The following METRNL variants were observed in gnomAD, a reference collection of about 807,000 sequenced individuals.
The protein encoded by METRNL is meteorin-like protein.
Under a neutral mutation model 17.4 loss-of-function variants are expected in METRNL, and 9 were observed. The observed-to-expected ratio is 0.52, with a 90% confidence interval of 0.31 to 0.90. METRNL has a LOEUF of 0.90. Ranked by LOEUF, METRNL falls within the 40% of genes least tolerant of loss-of-function variation. METRNL has a pLI of 0.05. For missense variants in METRNL, 408 were observed against 430.7 expected (o/e 0.95, Z 0.47); for synonymous variants, 215 against 199.3 (o/e 1.08, Z -0.66).
At position 83,080,005 on chromosome 17, in the gene METRNL, C is replaced by CCCCGG. The variant is rs1338623181; in HGVS notation, c.170+29_170+33dup. ...GGGGAGGTGAGTGTGCGCGGCGCGA[C>CCCCGG]CCCGGCCCGGCCCCCTCCCCTCGCG... On this transcript the variant is annotated intron_variant, in intron 1 of 3. Transcript: ENST00000320095. 9.9e-7 allele frequency: 1 copy of CCCCGG among 1,012,476 alleles called. No homozygotes were observed. The highest frequency in any genetic ancestry group is 1.7e-5 in the African/African-American group (1 of 57,368). The allele number at this position is 1,012,476 out of a possible 1,614,324, so 62.7% of individuals were successfully genotyped here.
At chr17:83,089,095 C>T (rs1279271111) in intron 2 of METRNL, among the ~76,000 whole-genome samples, 1 of 152,122 alleles carries the variant, frequency 6.6e-6, no homozygotes, top group East Asian at 1.9e-4. Context: ...GGCCAACACC[C>T]CCGGGGCACC....
intron 1 of METRNL, chr17:83,082,000 G>A: frequency 1.2e-6 from 1 of 802,490 alleles, no homozygotes; most frequent in Non-Finnish European, 1.5e-6. Context: ...TCCCCCGATA[G>A]CTGGAAAGTT....
chr17:83,080,512 C>T (rs1217720153), intron 1 of METRNL, among the ~76,000 whole-genome samples: 2 of 143,854 alleles, frequency 1.4e-5, no homozygotes, highest in African/African-American at 5.0e-5. Flanking sequence ...CCCCCCGCCC[C>T]TGCCCCGTGA....
intron 2 of METRNL, among the ~76,000 whole-genome samples, chr17:83,085,913 G>C (rs918430978): frequency 3.3e-5 from 5 of 152,228 alleles, no homozygotes; most frequent in African/African-American, 1.2e-4. Flanking sequence ...GAGCGGTGCT[G>C]AGCTGTGACG....
intron 1 of METRNL, chr17:83,080,359 C>A (rs1387450356): frequency 6.6e-6 from 1 of 150,718 alleles, no homozygotes; most frequent in African/African-American, 2.4e-5. Context: ...CCCGAGGCCG[C>A]CCCGGGCCAG....
At position 83,094,277 on chromosome 17, in the gene METRNL, A is replaced by G. The variant is rs2038174981; in HGVS notation, c.638A>G (p.Gln213Arg). The G allele has an allele frequency of 1.9e-6, 3 of 1,581,436 alleles. No homozygotes were observed. Among genetic ancestry groups the G allele is most frequent in the Non-Finnish European group, 2.6e-6 (3 of 1,156,304 alleles). Residue 213 changes from glutamine (Q) to arginine (R), a missense_variant, in exon 4 of 4, where the codon CAA becomes CGA. Gln to Arg is a conservative substitution (Grantham distance 43, BLOSUM62 1). Coordinates refer to ENST00000320095, the MANE Select transcript of METRNL (RefSeq NM_001004431.3). ...SDFAVRGSIQ[Q>R]VTHEPERQDS... Reference sequence around the variant, plus strand: ...ACAGCCGTTCGAGGCTCCATCCAGCAAGTTACCCACGAGCCTGAGCGGCAG... The same window carrying G: ...ACAGCCGTTCGAGGCTCCATCCAGCGAGTTACCCACGAGCCTGAGCGGCAG...
intron 2 of METRNL, among the ~76,000 whole-genome samples, chr17:83,088,179 C>T (rs369539847): frequency 2.6e-5 from 4 of 152,230 alleles, no homozygotes; most frequent in South Asian, 2.1e-4. Flanking sequence ...CTGCACCAGC[C>T]GCCTCTGCAG....
intron 2 of METRNL, among the ~76,000 whole-genome samples, chr17:83,087,451 A>C (rs1165932766): frequency 1.3e-5 from 2 of 151,884 alleles, no homozygotes; most frequent in East Asian, 3.9e-4. Context: ...TGGGCTGAGC[A>C]CCTCCAGGGC....
intron 1 of METRNL, chr17:83,084,031 C>T (rs775525966): frequency 6.6e-5 from 10 of 152,224 alleles, no homozygotes; most frequent in Non-Finnish European, 1.3e-4. Flanking sequence ...ACTGTTTCTA[C>T]TCAGGACCTG....
intron 2 of METRNL, among the ~76,000 whole-genome samples, chr17:83,088,068 G>C (rs1367204872): frequency 1.3e-5 from 2 of 152,208 alleles, no homozygotes; most frequent in Admixed American, 1.3e-4. Flanking sequence ...GGAACACGGG[G>C]GCAGGCTGCT....
At chr17:83,082,772 A>G (rs931594496) in intron 1 of METRNL, among the ~76,000 whole-genome samples, 34 of 152,254 alleles carry the variant, frequency 2.2e-4, no homozygotes, top group Admixed American at 6.5e-5. Context: ...AGCACAGACC[A>G]TGAGTCTCGG....
Position 83,085,246 on chromosome 17 carries a change from A to T in METRNL, c.479A>T (p.Asp160Val), listed in dbSNP as rs569215290. Residue 160 changes from aspartate to valine, a missense_variant, in exon 2 of 4, where the codon GAT (aspartate) becomes GTT (valine). Asp to Val is a radical substitution (Grantham distance 152). Coordinates refer to ENST00000320095, the MANE Select transcript of METRNL (RefSeq NM_001004431.3). ...TTCGTGGAGGCCACGCCGCAGCAGG[A>T]TATCGGCCGGAGGACCACAGGCTTC... is the stretch of plus-strand genomic sequence containing the variant. ...GLFVEATPQQ[D>V]IGRRTTGFQY... The T allele has an allele frequency of 5.1e-6, 8 of 1,579,162 alleles. No homozygotes were observed. In the African/African-American group the frequency reaches 1.1e-4, roughly 21 times the overall value.
rs554860830 is a variant in METRNL, at chr17:83,080,936, G to C, written c.170+951G>C. Among the ~76,000 whole-genome samples, 290 of 151,508 alleles carry C rather than the reference G, an allele frequency of 1.9e-3. 2 individuals carry two copies. The highest frequency in any genetic ancestry group is 6.9e-3 in the African/African-American group (284 of 41,428). On this transcript the variant is annotated intron_variant, in intron 1 of 3. Transcript: ENST00000320095. Reference sequence around the variant, plus strand: ...AGCGAAGCTGTTTTCCGAGAAGGTCGGGGCAGAGCCGGTGCGGGGCGGGTG... The same window carrying C: ...AGCGAAGCTGTTTTCCGAGAAGGTCCGGGCAGAGCCGGTGCGGGGCGGGTG...
At chr17:83,083,201 C>T (rs6502043) in intron 1 of METRNL, among the ~76,000 whole-genome samples, 48,806 of 152,094 alleles carry the variant, frequency 0.32, 8,931 homozygotes, top group East Asian at 0.65. Context: ...GTGGGTTGGC[C>T]GCCTGTCCCC....
At chr17:83,092,734 T>G (rs1001019658) in intron 2 of METRNL, among the ~76,000 whole-genome samples, 2 of 152,104 alleles carry the variant, frequency 1.3e-5, no homozygotes, top group Admixed American at 6.5e-5. Context: ...CCAGTGGGCT[T>G]TGCATTTGCA....
chr17:83,094,250 G>C lies in METRNL; in HGVS notation c.617-6G>C, dbSNP rs201172466. ...ACTCCCTGTCCCCATCTCCTTCCCCGCACAGCCGTTCGAGGCTCCATCCAG... is the reference window on the plus strand; with the variant it reads ...ACTCCCTGTCCCCATCTCCTTCCCCCCACAGCCGTTCGAGGCTCCATCCAG... On this transcript the variant is annotated splice_region_variant and splice_polypyrimidine_tract_variant and intron_variant, in intron 3 of 3. Transcript: ENST00000320095. The C allele has an allele frequency of 3.5e-5, 55 of 1,556,014 alleles. No homozygotes were observed. The African/African-American group carries it at 6.7e-4, about 19-fold the overall frequency.
rs1016257945 is a variant in METRNL, at chr17:83,085,263, A to T, written c.496A>T (p.Thr166Ser). Reference sequence around the variant, plus strand: ...GCAGCAGGATATCGGCCGGAGGACCACAGGCTTCCAGTACGAGCTGGTTAG... The same window carrying T: ...GCAGCAGGATATCGGCCGGAGGACCTCAGGCTTCCAGTACGAGCTGGTTAG... ...TPQQDIGRRTTGFQYELVRRH... is the reference protein window; with the variant it reads ...TPQQDIGRRTSGFQYELVRRH... The change falls in exon 2 of 4, where the codon ACA (threonine) becomes TCA (serine). Residue 166 changes from threonine (T) to serine (S), a missense_variant. Coordinates refer to ENST00000320095, the MANE Select transcript of METRNL (RefSeq NM_001004431.3). The T allele has an allele frequency of 6.4e-7, 1 of 1,564,248 alleles. No homozygotes were observed. The highest frequency in any genetic ancestry group is 2.3e-5 in the East Asian group (1 of 44,392).
At chr17:83,080,746 C>G (rs527508565) in intron 1 of METRNL, among the ~76,000 whole-genome samples, 1 of 150,702 alleles carries the variant, frequency 6.6e-6, no homozygotes, top group Non-Finnish European at 1.5e-5. Flanking sequence ...GCGCGAGCCT[C>G]GCAGTCGCCA....
chr17:83,094,822 A>G lies in METRNL; in HGVS notation c.*247A>G. On this transcript the variant is annotated 3_prime_UTR_variant, in exon 4 of 4. Transcript: ENST00000320095. ...TAAGTTATTATATTTTTTTTTGGTA[A>G]AAAAGAAATGTCCATAGGAAACAAA... is the stretch of plus-strand genomic sequence containing the variant. The G allele has an allele frequency of 2.6e-6, 1 of 390,010 alleles. No homozygotes were observed. The highest frequency in any genetic ancestry group is 4.5e-6 in the Non-Finnish European group (1 of 221,140). The allele number at this position is 390,010 out of a possible 1,614,324, so 24.2% of individuals were successfully genotyped here.
Sources: allele counts gnomAD v4.1 joint callset (sites outside exome capture counted in the v4.1 genomes callset), GRCh38; gene constraint gnomAD v4.1.1; transcripts MANE v1.5; gene names NCBI Gene and HGNC (gene_info 2026-07-23, HGNC 2026-07-21).